LOC128125817: variants seen among roughly 807,000 people sequenced by gnomAD.
At chr1:41,611,414 C>T in the LOC128125817 span, among the ~76,000 whole-genome samples, 3 of 152,182 alleles carry the variant, frequency 2.0e-5, no homozygotes, top group Non-Finnish European at 2.9e-5. Context: ...GGGGACAGAG[C>T]GCCATGTGCC....
At chr1:41,620,034 T>C in the LOC128125817 span, among the ~76,000 whole-genome samples, 1 of 152,134 alleles carries the variant, frequency 6.6e-6, no homozygotes, top group African/African-American at 2.4e-5. Context: ...CTGAGTTCCT[T>C]TGAATATCTG....
chr1:41,607,412 A>G, the LOC128125817 span, among the ~76,000 whole-genome samples: 1 of 152,230 alleles, frequency 6.6e-6, no homozygotes, highest in Non-Finnish European at 1.5e-5. Flanking sequence ...TTACAATTTC[A>G]GCAAGTATTT....
chr1:41,607,507 C>A, the LOC128125817 span, among the ~76,000 whole-genome samples: 3 of 152,024 alleles, frequency 2.0e-5, no homozygotes, highest in African/African-American at 7.3e-5. Flanking sequence ...AATGAAAGAA[C>A]CTCTTACTTA....
chr1:41,609,271 G>C, the LOC128125817 span, among the ~76,000 whole-genome samples: 2 of 152,212 alleles, frequency 1.3e-5, no homozygotes, highest in Non-Finnish European at 2.9e-5. Flanking sequence ...CTGCCCTTAG[G>C]GGGAACACTT....
chr1:41,592,471 AAGC>A, the LOC128125817 span, among the ~76,000 whole-genome samples: 2 of 152,214 alleles, frequency 1.3e-5, no homozygotes, highest in African/African-American at 4.8e-5. Context: ...TATTGACCTT[AAGC>A]TGAGGAGAAT....
chr1:41,612,767 A>G, the LOC128125817 span, among the ~76,000 whole-genome samples: 1 of 152,226 alleles, frequency 6.6e-6, no homozygotes, highest in Non-Finnish European at 1.5e-5. Flanking sequence ...ATCAGGGCCT[A>G]GAATCATCAC....
the LOC128125817 span, among the ~76,000 whole-genome samples, chr1:41,610,432 G>T: frequency 6.6e-6 from 1 of 152,240 alleles, no homozygotes; most frequent in Non-Finnish European, 1.5e-5. Context: ...CCCTAGGTGG[G>T]TGAATTTGTG....
the LOC128125817 span, among the ~76,000 whole-genome samples, chr1:41,599,367 C>T: frequency 3.3e-5 from 5 of 152,140 alleles, no homozygotes; most frequent in Non-Finnish European, 4.4e-5. Flanking sequence ...ATTTCTTACT[C>T]GATTGACAAA....
the LOC128125817 span, among the ~76,000 whole-genome samples, chr1:41,626,884 G>T: frequency 6.6e-6 from 1 of 152,134 alleles, no homozygotes; most frequent in Non-Finnish European, 1.5e-5. Context: ...AAAAGTGCTG[G>T]GTCTTTTGTA....
chr1:41,609,556 T>C, the LOC128125817 span, among the ~76,000 whole-genome samples: 3 of 152,214 alleles, frequency 2.0e-5, no homozygotes, highest in Non-Finnish European at 2.9e-5. Flanking sequence ...GGAGAAAGGG[T>C]TCCACCCCAT....
chr1:41,607,992 C>CA, the LOC128125817 span, among the ~76,000 whole-genome samples: 1 of 152,160 alleles, frequency 6.6e-6, no homozygotes, highest in Non-Finnish European at 1.5e-5. Context: ...TCACACGAGC[C>CA]CATGGCCACT....
At chr1:41,615,336 G>A in the LOC128125817 span, among the ~76,000 whole-genome samples, 7 of 152,282 alleles carry the variant, frequency 4.6e-5, no homozygotes, top group East Asian at 7.7e-4. Flanking sequence ...AAATCGGCCC[G>A]TCCCTCACCT....
At chr1:41,628,570 C>A in the LOC128125817 span, among the ~76,000 whole-genome samples, 1 of 152,214 alleles carries the variant, frequency 6.6e-6, no homozygotes, top group Admixed American at 6.5e-5. Context: ...AAGGTCTCTA[C>A]TCCTGACCAA....
the LOC128125817 span, among the ~76,000 whole-genome samples, chr1:41,626,902 G>T: frequency 1.3e-5 from 2 of 152,192 alleles, no homozygotes; most frequent in Non-Finnish European, 2.9e-5. Flanking sequence ...GTAACCAGAG[G>T]CTCTGCCCCT....
the LOC128125817 span, among the ~76,000 whole-genome samples, chr1:41,621,060 C>T: frequency 6.6e-6 from 1 of 152,200 alleles, no homozygotes; most frequent in African/African-American, 2.4e-5. Context: ...CTTGGGTGTT[C>T]CCAATTGCCC....
chr1:41,610,167 A>G, the LOC128125817 span, among the ~76,000 whole-genome samples: 1 of 152,122 alleles, frequency 6.6e-6, no homozygotes, highest in Non-Finnish European at 1.5e-5. Context: ...CTCTCTCTGT[A>G]TACACACACA....
chr1:41,620,450 C>T, the LOC128125817 span, among the ~76,000 whole-genome samples: 326 of 152,290 alleles, frequency 2.1e-3, 1 homozygote, highest in South Asian at 4.8e-3. Context: ...TGCCCTACCT[C>T]TCCTCTCACC....
the LOC128125817 span, among the ~76,000 whole-genome samples, chr1:41,619,833 T>C: frequency 6.6e-6 from 1 of 152,060 alleles, no homozygotes; most frequent in African/African-American, 2.4e-5. Flanking sequence ...GTAGAGCAGC[T>C]CCAAAATAGG....
chr1:41,599,286 C>T, the LOC128125817 span, among the ~76,000 whole-genome samples: 1 of 152,068 alleles, frequency 6.6e-6, no homozygotes, highest in African/African-American at 2.4e-5. Flanking sequence ...GGCCTGAATA[C>T]AAAAGATTAA....
Sources: allele counts gnomAD v4.1 joint callset (sites outside exome capture counted in the v4.1 genomes callset), GRCh38; gene constraint gnomAD v4.1.1; transcripts MANE v1.5.